DPYSL5: variants seen among roughly 807,000 people sequenced by gnomAD.
DPYSL5 encodes the protein dihydropyrimidinase like 5.
In DPYSL5, 9 loss-of-function variants were observed where a neutral mutation model predicts 58.4. The ratio of observed to expected loss-of-function variants is 0.15; its 90% CI spans 0.09 to 0.27. The LOEUF is 0.27. Among genes scored for constraint, DPYSL5 ranks in the 10% least tolerant of loss-of-function variants. The probability of loss-of-function intolerance (pLI) is 1.00; values close to 1 mark genes in which losing one functional copy is unlikely to be tolerated. For missense variants in DPYSL5, 499 were observed against 770.6 expected (o/e 0.65, Z 4.17); for synonymous variants, 293 against 301.9 (o/e 0.97, Z 0.31).
intron 1 of DPYSL5, among the ~76,000 whole-genome samples, chr2:26,852,838 T>A (rs908514242): frequency 2.6e-5 from 4 of 152,198 alleles, no homozygotes; most frequent in African/African-American, 9.7e-5. Flanking sequence ...CTTACATGTG[T>A]TAATGGTTAG....
At chr2:26,931,567 G>A (rs1664988258) in intron 5 of DPYSL5, 73 bp from the exon 6 acceptor site, 1 of 1,588,408 alleles carries the variant, frequency 6.3e-7, no homozygotes, top group African/African-American at 1.3e-5. Flanking sequence ...CTCCATGAAG[G>A]GGAGAGTATG....
chr2:26,899,121 T>C (rs1382927948), intron 2 of DPYSL5, among the ~76,000 whole-genome samples: 6 of 152,218 alleles, frequency 3.9e-5, no homozygotes, highest in Non-Finnish European at 7.3e-5. Flanking sequence ...ATGGGCTTCT[T>C]TATGTATGAT....
Position 26,940,124 on chromosome 2 carries a change from A to T in DPYSL5, c.1041A>T (p.Gly347=), listed in dbSNP as rs1024197567. 7 of 1,614,074 alleles carry T rather than the reference A, an allele frequency of 4.3e-6. No individual in the cohort carries two copies. The Admixed American group carries it at 5.0e-5, about 12-fold the overall frequency. ...AAGACTTCACCAAGATCCCACATGG[A>T]GTGAGTGGCGTGCAGGACCGCATGA... ...GKEDFTKIPH[G]VSGVQDRMSV... is the part of the protein sequence containing the mutation. The change falls in exon 9 of 13, where the codon GGA becomes GGT. Residue 347 remains glycine (G), a synonymous_variant. Coordinates refer to ENST00000288699, the MANE Select transcript of DPYSL5 (RefSeq NM_020134.4).
At chr2:26,881,935 C>A (rs1442665078) in intron 1 of DPYSL5, among the ~76,000 whole-genome samples, 2 of 151,522 alleles carry the variant, frequency 1.3e-5, no homozygotes, top group Non-Finnish European at 2.9e-5. Context: ...ACTAAAAATA[C>A]AAAAAATTAC....
In DPYSL5 at chr2:26,944,052, G is replaced by A. The variant is rs1169716601; in HGVS notation, c.1441-604G>A. ...CACGCCTGTAATCCCGGAACTTTGG[G>A]AGGCCGAGGCGGGTGGATCACGAGG... is the stretch of plus-strand genomic sequence containing the variant. On this transcript the variant is annotated intron_variant, in intron 11 of 12. Transcript: ENST00000288699. The surrounding 1 kb of genome is among the most constrained non-coding windows in gnomAD (Gnocchi z 4.4). 6.6e-6 allele frequency among the ~76,000 whole-genome samples: 1 copy of A among 152,190 alleles called. No homozygotes were observed. Among genetic ancestry groups the A allele is most frequent in the Non-Finnish European group, 1.5e-5 (1 of 68,036 alleles).
chr2:26,855,666 G>T (rs1053800575), intron 1 of DPYSL5, among the ~76,000 whole-genome samples: 2 of 152,096 alleles, frequency 1.3e-5, no homozygotes, highest in Non-Finnish European at 2.9e-5. Flanking sequence ...CCATCTTTGT[G>T]TCACTCCAGT....
In DPYSL5 at chr2:26,948,516, G is replaced by A. The variant is rs932199074; in HGVS notation, c.*1521G>A. ...TGGGAAGTGACTTCATGTTGCACAT[G>A]TGATTTCAGCCCCCGAGGCTTGCGC... On this transcript the variant is annotated 3_prime_UTR_variant, in exon 13 of 13. Coordinates refer to ENST00000288699, the MANE Select transcript of DPYSL5 (RefSeq NM_020134.4). 1 of 152,390 alleles carries A rather than the reference G, an allele frequency of 6.6e-6. No homozygotes were observed. The highest frequency in any genetic ancestry group is 6.5e-5 in the Admixed American group (1 of 15,286). 9.4% of individuals were successfully genotyped at this position (152,390 alleles called of 1,614,324 possible). A position where few individuals can be genotyped will look rare whatever the true frequency, so the allele number is the denominator to read the frequency against.
chr2:26,879,887 G>A (rs941944046), intron 1 of DPYSL5, among the ~76,000 whole-genome samples: 5 of 151,054 alleles, frequency 3.3e-5, no homozygotes, highest in South Asian at 2.1e-4. Context: ...GCTGCCACTC[G>A]TTTGTTGTTG....
chr2:26,882,866 G>A (rs966694262), intron 1 of DPYSL5, among the ~76,000 whole-genome samples: 10 of 149,170 alleles, frequency 6.7e-5, no homozygotes, highest in Non-Finnish European at 1.3e-4. Flanking sequence ...TGAGCCGATC[G>A]TGCCACTGCA....
chr2:26,946,820 A>C (rs577535419), intron 12 of DPYSL5, 90 bp from the exon 13 acceptor site: 4 of 952,172 alleles, frequency 4.2e-6, no homozygotes, highest in Non-Finnish European at 6.6e-6. Context: ...CACTCAGGCC[A>C]TGCACACAGT....
chr2:26,932,081 GA>G (rs1467251788), intron 6 of DPYSL5, among the ~76,000 whole-genome samples: 25,319 of 70,482 alleles, frequency 0.36, 5,849 homozygotes, highest in Non-Finnish European at 0.42. Flanking sequence ...AAGAAAGAAA[GA>G]AAAGAAAAAA....
chr2:26,927,583 T>G lies in DPYSL5; in HGVS notation c.600+151T>G. The G allele has an allele frequency of 1.0e-6, 1 of 999,120 alleles. No homozygotes were observed. The highest frequency in any genetic ancestry group is 1.4e-6 in the Non-Finnish European group (1 of 712,444). 61.9% of individuals were successfully genotyped at this position (999,120 alleles called of 1,614,324 possible). On this transcript the variant is annotated intron_variant, in intron 4 of 12. Transcript: ENST00000288699. This position sits in a 1 kb window ranked among gnomAD's most constrained non-coding sequence, Gnocchi z 4.3. Reference sequence around the variant, plus strand: ...GTGTGGACACCCCAGCTGTCAGATCTTGGTCAGAAAATCCAAACTTTACTA... The same window carrying G: ...GTGTGGACACCCCAGCTGTCAGATCGTGGTCAGAAAATCCAAACTTTACTA...
At chr2:26,855,406 G>A (rs1239184310) in intron 1 of DPYSL5, among the ~76,000 whole-genome samples, 5 of 151,918 alleles carry the variant, frequency 3.3e-5, no homozygotes, top group African/African-American at 1.2e-4. Context: ...TCCAGCCTGG[G>A]TGACAGAGCC....
intron 1 of DPYSL5, among the ~76,000 whole-genome samples, chr2:26,893,290 A>G (rs1473328834): frequency 1.3e-5 from 2 of 152,176 alleles, no homozygotes; most frequent in Non-Finnish European, 2.9e-5. Flanking sequence ...CAAAAAATAA[A>G]CCAACTGTTT....
rs1664801125 is a variant in DPYSL5 at position 26,925,252 on chromosome 2, AG to A, written c.420+209del. Among the ~76,000 whole-genome samples the A allele has an allele frequency of 1.3e-5, 2 of 152,192 alleles. No homozygotes were observed. Among genetic ancestry groups the A allele is most frequent in the African/African-American group, 4.8e-5 (2 of 41,446 alleles). ...TTAACTTAATGAGCCATTTTCCGGC[AG>A]GCACAGAGAGGCCAAGGCCAGAGCC... On this transcript the variant is annotated intron_variant, in intron 3 of 12. Transcript: ENST00000288699. This position sits in a 1 kb window ranked among gnomAD's most constrained non-coding sequence, Gnocchi z 4.5.
Position 26,860,019 on chromosome 2 carries a change from C to T in DPYSL5, c.-5+11765C>T, listed in dbSNP as rs183473700. On this transcript the variant is annotated intron_variant, in intron 1 of 12. Coordinates refer to ENST00000288699, the MANE Select transcript of DPYSL5 (RefSeq NM_020134.4). ...GGAATCCTGACTGTTACTTCCTAGGCACGAGAGATCTTGGGTAAAGTCATT... is the reference window on the plus strand; with the variant it reads ...GGAATCCTGACTGTTACTTCCTAGGTACGAGAGATCTTGGGTAAAGTCATT... Among the ~76,000 whole-genome samples the T allele has an allele frequency of 2.4e-3, 362 of 152,258 alleles. 4 individuals are homozygous for T. The South Asian group carries it at 0.034, about 14-fold the overall frequency.
At chr2:26,928,716 C>T (rs1558349211) in intron 5 of DPYSL5, among the ~76,000 whole-genome samples, 173 of 47,050 alleles carry the variant, frequency 3.7e-3, no homozygotes, top group Non-Finnish European at 5.7e-3. Flanking sequence ...CACACACACA[C>T]ATACATATAT....
intron 1 of DPYSL5, among the ~76,000 whole-genome samples, chr2:26,860,595 G>A (rs1436429045): frequency 6.6e-6 from 1 of 152,206 alleles, no homozygotes; most frequent in East Asian, 1.9e-4. Flanking sequence ...GGCTGTTATT[G>A]CAGCACTATT....
chr2:26,851,801 C>T (rs2148100922), intron 1 of DPYSL5, among the ~76,000 whole-genome samples: 1 of 152,154 alleles, frequency 6.6e-6, no homozygotes, highest in Admixed American at 6.5e-5. Context: ...AAAAATTAGC[C>T]TGACGTGGTG....
Sources: allele counts gnomAD v4.1 joint callset (sites outside exome capture counted in the v4.1 genomes callset), GRCh38; gene constraint gnomAD v4.1.1; non-coding constraint Gnocchi (gnomAD v3.1); transcripts MANE v1.5; gene names NCBI Gene and HGNC (gene_info 2026-07-23, HGNC 2026-07-21).